The following VPS13A variants were observed in gnomAD, a reference collection of about 807,000 sequenced individuals.
VPS13A encodes vacuolar protein sorting 13 homolog A.
A neutral mutation model predicts 390.9 loss-of-function variants in VPS13A; 264 were observed. The ratio of observed to expected loss-of-function variants is 0.68; its 90% CI spans 0.61 to 0.75. The LOEUF is 0.75. Ranked by LOEUF, VPS13A falls within the 30% of genes least tolerant of loss-of-function variation. The pLI is 0.00. For synonymous variants in VPS13A, 1,231 were observed against 1,227.1 expected, an observed-to-expected ratio of 1.00 and a Z score of -0.07; for missense variants, 3,409 against 3,733.9, an observed-to-expected ratio of 0.91 and a Z score of 2.27.
chr9:77,180,186 C>G (rs1448693152), intron 1 of VPS13A, among the ~76,000 whole-genome samples: 2 of 145,074 alleles, frequency 1.4e-5, no homozygotes, highest in African/African-American at 2.6e-5. Flanking sequence ...CATTCATGTA[C>G]AAGTTTTTTT....
intron 9 of VPS13A, among the ~76,000 whole-genome samples, chr9:77,213,877 T>C (rs1826110755): frequency 1.3e-5 from 2 of 152,148 alleles, no homozygotes; most frequent in Non-Finnish European, 2.9e-5. Flanking sequence ...TTTAACTACT[T>C]TAATATTTTG....
rs79581599 is a variant in VPS13A, at chr9:77,260,756, A to G, written c.2427+532A>G. 4.2e-3 allele frequency among the ~76,000 whole-genome samples: 635 copies of G among 152,298 alleles called. 10 individuals carry two copies. The East Asian group carries it at 0.057, about 14-fold the overall frequency. On this transcript the variant is annotated intron_variant, in intron 23 of 71. Coordinates refer to ENST00000360280, the MANE Select transcript of VPS13A (RefSeq NM_033305.3). ...TACTTTTCTAATTTCTGCAGCCTCC[A>G]ATCCCTCTCCTGAGCAATAACACTG...
At chr9:77,321,851 T>A (rs1277977490) in intron 44 of VPS13A, 105 bp downstream of exon 44, 1 of 1,405,870 alleles carries the variant, frequency 7.1e-7, no homozygotes, top group Non-Finnish European at 9.7e-7. Flanking sequence ...TTTTTGTTTT[T>A]GTTTTTGTTT....
chr9:77,364,943 T>G (rs916754738), intron 59 of VPS13A, among the ~76,000 whole-genome samples: 1 of 152,172 alleles, frequency 6.6e-6, no homozygotes, highest in Admixed American at 6.5e-5. Context: ...TTGGGGCTCA[T>G]TTTTCAACAC....
chr9:77,189,990 A>AC (rs1038006673), intron 1 of VPS13A, among the ~76,000 whole-genome samples: 3 of 152,040 alleles, frequency 2.0e-5, no homozygotes, highest in African/African-American at 7.2e-5. Context: ...AGTTCTAGGA[A>AC]CCTTTGGGCA....
chr9:77,360,761 TACTC>T (rs1332559047), intron 59 of VPS13A, 120 bp downstream of exon 59: 16 of 773,150 alleles, frequency 2.1e-5, no homozygotes, highest in Non-Finnish European at 3.2e-5. Context: ...TAAATTTTAT[TACTC>T]TCTTGTGGTA....
At chr9:77,343,426 C>A (rs1239522704) in intron 50 of VPS13A, among the ~76,000 whole-genome samples, 1 of 152,162 alleles carries the variant, frequency 6.6e-6, no homozygotes, top group African/African-American at 2.4e-5. Context: ...CACACATGAG[C>A]AGTCTCACTG....
chr9:77,238,225 T>C (rs1393499458), intron 18 of VPS13A, 34 bp downstream of exon 18: 1 of 1,605,994 alleles, frequency 6.2e-7, no homozygotes, highest in Non-Finnish European at 8.5e-7. Context: ...AGTTTTAATA[T>C]AATTTAGTTT....
Position 77,317,689 on chromosome 9 carries a change from G to T in VPS13A, c.4947G>T (p.Leu1649=). The stretch of plus-strand genomic sequence containing the variant: ...TGATCGATATGTCAGTAAAATCCCT[G>T]ACACTAAAGGTAAATTAAAATATAA... ...PQVIDMSVKS[L]TLKVSPVIIN... Residue 1649 remains leucine, a synonymous_variant, in exon 40 of 72, where the codon CTG becomes CTT. Coordinates refer to ENST00000360280, the MANE Select transcript of VPS13A (RefSeq NM_033305.3). 2 of 1,590,284 alleles carry T rather than the reference G, an allele frequency of 1.3e-6. No individual in the cohort carries two copies. The highest frequency in any genetic ancestry group is 2.3e-5 in the South Asian group (2 of 86,828).
intron 70 of VPS13A, among the ~76,000 whole-genome samples, chr9:77,406,202 A>G (rs902870517): frequency 3.3e-5 from 5 of 152,054 alleles, no homozygotes; most frequent in Non-Finnish European, 7.4e-5. Context: ...TGCACTGACA[A>G]TAACATTCCT....
At chr9:77,323,362 C>T (rs1436311166) in intron 45 of VPS13A, 135 bp downstream of exon 45, 1 of 1,048,066 alleles carries the variant, frequency 9.5e-7, no homozygotes, top group East Asian at 2.6e-5. Flanking sequence ...AAAAAGAAGA[C>T]TCACTACCAC....
intron 68 of VPS13A, among the ~76,000 whole-genome samples, chr9:77,396,290 A>G (rs182328239): frequency 3.8e-4 from 58 of 152,264 alleles, no homozygotes; most frequent in African/African-American, 1.3e-3. Context: ...TTTTATGTCA[A>G]AGGTTATGCT....
chr9:77,240,785 G>T (rs1335832264), intron 19 of VPS13A, among the ~76,000 whole-genome samples: 1 of 151,998 alleles, frequency 6.6e-6, no homozygotes, highest in Non-Finnish European at 1.5e-5. Flanking sequence ...ATATTAGCTT[G>T]ACATGATACT....
At chr9:77,321,456 A>G (rs375725938) in intron 43 of VPS13A, 35 bp from the exon 44 acceptor site, 1 of 1,611,286 alleles carries the variant, frequency 6.2e-7, no homozygotes, top group South Asian at 1.1e-5. Context: ...AATTTTACAC[A>G]TTTCATTTTA....
intron 67 of VPS13A, among the ~76,000 whole-genome samples, chr9:77,380,378 T>A (rs1467469737): frequency 6.6e-6 from 1 of 152,130 alleles, no homozygotes; most frequent in African/African-American, 2.4e-5. Context: ...AGTGGCATGA[T>A]CTCGGCTCAC....
At position 77,250,144 on chromosome 9, in the gene VPS13A, G is replaced by T; in HGVS notation, c.2085G>T (p.Glu695Asp). ...RSELPDVKQG[E>D]ANLKEIMDRA... ...AATTACCAGATGTGAAACAAGGTGA[G>T]GCCAATCTTAAAGAGATAATGGATA... is the stretch of plus-strand genomic sequence containing the variant. The change falls in exon 21 of 72, where the codon GAG (glutamate) becomes GAT (aspartate). Residue 695 changes from glutamate (E) to aspartate (D), a missense_variant. Glu to Asp is a conservative substitution (Grantham distance 45). Transcript: ENST00000360280. 1 of 1,613,894 alleles carries T rather than the reference G, an allele frequency of 6.2e-7. No individual in the cohort carries two copies.
intron 24 of VPS13A, among the ~76,000 whole-genome samples, chr9:77,274,702 A>G (rs1215429956): frequency 6.6e-6 from 1 of 152,110 alleles, no homozygotes; most frequent in African/African-American, 2.4e-5. Flanking sequence ...GAAAAGGTGT[A>G]TGTCTATATT....
At chr9:77,407,499 A>ATCTT (rs759785830) in intron 70 of VPS13A, 34 bp from the exon 71 acceptor site, 1 of 1,550,832 alleles carries the variant, frequency 6.4e-7, no homozygotes, top group South Asian at 1.1e-5. Context: ...CAACCAGATT[A>ATCTT]TCTTTTTAAT....
intron 10 of VPS13A, among the ~76,000 whole-genome samples, 173 bp downstream of exon 10, chr9:77,214,559 T>C (rs1425798453): frequency 6.6e-6 from 1 of 152,150 alleles, no homozygotes; most frequent in African/African-American, 2.4e-5. Context: ...TAACGTATTT[T>C]ATTGTTATGA....
Sources: allele counts gnomAD v4.1 joint callset (sites outside exome capture counted in the v4.1 genomes callset), GRCh38; gene constraint gnomAD v4.1.1; transcripts MANE v1.5; gene names NCBI Gene and HGNC (gene_info 2026-07-23, HGNC 2026-07-21).